DPP6: variants seen among roughly 807,000 people sequenced by gnomAD.
The protein encoded by DPP6 is dipeptidyl peptidase like 6, also known as A-type potassium channel modulatory protein DPP6.
Under a neutral mutation model 122.6 loss-of-function variants are expected in DPP6, and 69 were observed. The ratio of observed to expected loss-of-function variants is 0.56; its 90% confidence interval spans 0.46 to 0.69. DPP6 has a LOEUF of 0.69. Among genes scored for constraint, DPP6 ranks in the 30% least tolerant of loss-of-function variants. The pLI, the probability that DPP6 is intolerant of heterozygous loss-of-function variation, is 0.00. For synonymous variants in DPP6, 418 were observed against 433.1 expected (o/e 0.97, Z 0.43); for missense variants, 928 against 1,116.9 (o/e 0.83, Z 2.41).
chr7:153,826,876 A>G, the DPP6 span, among the ~76,000 whole-genome samples: 1 of 152,228 alleles, frequency 6.6e-6, no homozygotes, highest in Non-Finnish European at 1.5e-5. Context: ...ATATATGCAT[A>G]CATATACTAA....
intron 16 of DPP6, 143 bp downstream of exon 16, chr7:154,807,255 A>G: frequency 7.9e-7 from 1 of 1,259,078 alleles, no homozygotes; most frequent in Non-Finnish European, 1.1e-6. Context: ...CGCCTACCTG[A>G]TAACATTGCT....
At chr7:154,063,515 C>CG (rs1380640857) in intron 1 of DPP6, among the ~76,000 whole-genome samples, 9 of 113,678 alleles carry the variant, frequency 7.9e-5, no homozygotes, top group South Asian at 3.4e-4. Flanking sequence ...AGACCCCCAT[C>CG]GCAGGAGGGG....
At chr7:154,579,257 G>A (rs1440264527) in intron 5 of DPP6, among the ~76,000 whole-genome samples, 1 of 152,164 alleles carries the variant, frequency 6.6e-6, no homozygotes, top group East Asian at 1.9e-4. Context: ...ACCGAGACAG[G>A]AGAATCGCTT....
chr7:154,592,092 C>T (rs1275616792), intron 5 of DPP6, among the ~76,000 whole-genome samples: 1 of 152,106 alleles, frequency 6.6e-6, no homozygotes, highest in Non-Finnish European at 1.5e-5. Context: ...GCTCCAGTGG[C>T]CCCTCAGTCC....
chr7:154,546,594 T>A (rs550797179), intron 4 of DPP6, among the ~76,000 whole-genome samples: 1 of 152,304 alleles, frequency 6.6e-6, no homozygotes, highest in Admixed American at 6.5e-5. Context: ...CTTATTTTAA[T>A]GACTAAATTA....
At chr7:153,830,408 T>A in the DPP6 span, among the ~76,000 whole-genome samples, 1 of 152,166 alleles carries the variant, frequency 6.6e-6, no homozygotes, top group Non-Finnish European at 1.5e-5. Context: ...TTTGTGCACA[T>A]TTAAAAAAAT....
At chr7:154,735,619 T>C (rs1395331557) in intron 8 of DPP6, among the ~76,000 whole-genome samples, 1 of 152,202 alleles carries the variant, frequency 6.6e-6, no homozygotes, top group Non-Finnish European at 1.5e-5. Context: ...GATCTTGACT[T>C]GAAGAACATG....
chr7:154,664,636 C>A (rs942583511), intron 6 of DPP6, among the ~76,000 whole-genome samples: 3 of 150,182 alleles, frequency 2.0e-5, no homozygotes, highest in South Asian at 2.1e-4. Context: ...AGGGCCTGTG[C>A]TGTGCTCCAT....
intron 5 of DPP6, among the ~76,000 whole-genome samples, chr7:154,592,490 G>C (rs138430851): frequency 9.9e-5 from 15 of 152,210 alleles, no homozygotes; most frequent in Non-Finnish European, 1.9e-4. Flanking sequence ...CCCTGCGCTC[G>C]TGGATCTTAC....
At chr7:153,758,515 C>G in the DPP6 span, among the ~76,000 whole-genome samples, 1 of 152,140 alleles carries the variant, frequency 6.6e-6, no homozygotes, top group African/African-American at 2.4e-5. Flanking sequence ...CTGTTTCTCC[C>G]TAACAATTCC....
the DPP6 span, among the ~76,000 whole-genome samples, chr7:153,840,028 ACT>A: frequency 6.6e-6 from 1 of 152,214 alleles, no homozygotes; most frequent in Non-Finnish European, 1.5e-5. Flanking sequence ...CTACATAGCC[ACT>A]GTGTCCTGGA....
upstream of DPP6, among the ~76,000 whole-genome samples, chr7:153,886,946 A>G (rs1563206459): frequency 2.0e-5 from 3 of 152,088 alleles, no homozygotes; most frequent in African/African-American, 4.8e-5. Flanking sequence ...TGTTTGTGGA[A>G]GCCGAGCGTG....
intron 1 of DPP6, among the ~76,000 whole-genome samples, chr7:154,075,184 G>A (rs1328263737): frequency 6.6e-6 from 1 of 151,624 alleles, no homozygotes; most frequent in African/African-American, 2.4e-5. Context: ...GGTGAAAAGG[G>A]AGCACTTCTA....
rs1822414266 is a variant in DPP6 at position 154,472,938 on chromosome 7, G to T, written c.359-2001G>T. Among the ~76,000 whole-genome samples the T allele has an allele frequency of 3.3e-5, 5 of 152,082 alleles. No homozygotes were observed. In the South Asian group the frequency reaches 1.0e-3, roughly 32 times the overall value. ...TTACAGTTTTTAAAATAAAATACAT[G>T]TATAGAAAGAAAGATTTTCAGAAAG... On this transcript the variant is annotated intron_variant, in intron 2 of 25. Coordinates refer to ENST00000377770, the MANE Select transcript of DPP6 (RefSeq NM_130797.4).
At chr7:154,696,619 C>T (rs978674328) in intron 7 of DPP6, among the ~76,000 whole-genome samples, 4 of 152,216 alleles carry the variant, frequency 2.6e-5, no homozygotes, top group African/African-American at 9.6e-5. Flanking sequence ...TGGTCCCCAT[C>T]CAGGCCCTTC....
At chr7:154,114,197 G>GA (rs535761457) in intron 1 of DPP6, among the ~76,000 whole-genome samples, 305 of 151,596 alleles carry the variant, frequency 2.0e-3, no homozygotes, top group African/African-American at 7.1e-3. Context: ...CACAGCCCTG[G>GA]ACACACCACC....
chr7:153,888,064 C>A (rs992302545), intron 1 of DPP6, among the ~76,000 whole-genome samples: 1 of 152,164 alleles, frequency 6.6e-6, no homozygotes, highest in African/African-American at 2.4e-5. Context: ...CCAAGCAGAC[C>A]CCCAGGGCTC....
chr7:154,055,643 G>C (rs530781391), intron 1 of DPP6: 1 of 152,146 alleles, frequency 6.6e-6, no homozygotes, highest in African/African-American at 2.4e-5. Flanking sequence ...AAGACAAACC[G>C]AGGCTTTCCT....
At chr7:154,663,203 C>G (rs1174715591) in intron 6 of DPP6, among the ~76,000 whole-genome samples, 1 of 73,248 alleles carries the variant, frequency 1.4e-5, no homozygotes, top group African/African-American at 3.6e-5. Flanking sequence ...GGTGAATCAG[C>G]ATGGTGTATT....
Sources: gnomAD v4.1 joint callset for allele counts (sites outside exome capture counted in the v4.1 genomes callset) on GRCh38, gnomAD v4.1.1 for gene constraint, MANE v1.5 for transcripts, NCBI Gene and HGNC (gene_info 2026-07-23, HGNC 2026-07-21) for gene names.